FNIP1: variants seen among roughly 807,000 people sequenced by gnomAD.
FNIP1 encodes folliculin interacting protein 1.
FNIP1 carries 40 observed loss-of-function variants against 124.5 expected under a neutral mutation model. The observed-to-expected ratio is 0.32, with a 90% CI of 0.25 to 0.42. The LOEUF is 0.42. FNIP1 is among the 10% of genes least tolerant of loss of function. The pLI is 1.00. For missense variants in FNIP1, 1,176 were observed against 1,403.7 expected (o/e 0.84, Z 2.59); for synonymous variants, 472 against 470.6 (o/e 1.00, Z -0.04).
At chr5:131,685,443 A>C (rs1425702812) in intron 11 of FNIP1, among the ~76,000 whole-genome samples, 2 of 138,796 alleles carry the variant, frequency 1.4e-5, no homozygotes, top group Non-Finnish European at 3.1e-5. Flanking sequence ...AAAACCCTTA[A>C]GAATCTTTTT....
chr5:131,733,501 C>T (rs1301563590), intron 2 of FNIP1, among the ~76,000 whole-genome samples: 1 of 152,002 alleles, frequency 6.6e-6, no homozygotes, highest in African/African-American at 2.4e-5. Context: ...GAGATATGTC[C>T]CATCGATACC....
chr5:131,779,445 C>T (rs1771922703), intron 1 of FNIP1, among the ~76,000 whole-genome samples: 1 of 151,736 alleles, frequency 6.6e-6, no homozygotes, highest in Admixed American at 6.6e-5. Context: ...TTTGGGAGAC[C>T]AAGGTGGGTG....
intron 15 of FNIP1, among the ~76,000 whole-genome samples, chr5:131,654,504 T>C (rs1767134447): frequency 6.6e-6 from 1 of 152,162 alleles, no homozygotes; most frequent in South Asian, 2.1e-4. Flanking sequence ...CTACTCTGAA[T>C]AAAGCTCTTT....
intron 1 of FNIP1, among the ~76,000 whole-genome samples, chr5:131,752,506 T>G (rs1171899488): frequency 6.7e-6 from 1 of 148,474 alleles, no homozygotes; most frequent in Non-Finnish European, 1.5e-5. Context: ...ATTGGTAAGT[T>G]GGACTTTATA....
intron 4 of FNIP1, 127 bp from the exon 5 acceptor site, chr5:131,719,187 T>TA: frequency 8.8e-7 from 1 of 1,132,368 alleles, no homozygotes; most frequent in Admixed American, 2.2e-5. Flanking sequence ...GAAGTAGCAT[T>TA]AAAACCATAG....
At chr5:131,687,730 C>T (rs1343617087) in intron 11 of FNIP1, among the ~76,000 whole-genome samples, 1 of 152,152 alleles carries the variant, frequency 6.6e-6, no homozygotes, top group Non-Finnish European at 1.5e-5. Flanking sequence ...CCAGCAGGAA[C>T]ACTTAAATAG....
At position 131,785,090 on chromosome 5, in the gene FNIP1, G is replaced by C. The variant is rs62385586; in HGVS notation, c.92+11740C>G. 1.7e-3 allele frequency among the ~76,000 whole-genome samples: 29 copies of C among 17,076 alleles called. 1 individual carries two copies. Among genetic ancestry groups the C allele is most frequent in the Admixed American group, 0.011 (17 of 1,506 alleles). 11.2% of individuals were successfully genotyped at this position (17,076 alleles called of 152,430 possible). A position where few individuals can be genotyped will look rare whatever the true frequency, so the allele number is the denominator to read the frequency against. ...TATGATATATATGACATATATATAT[G>C]ATATATATGACTATATATATATCAT... On this transcript the variant is annotated intron_variant, in intron 1 of 17. Coordinates refer to ENST00000510461, the MANE Select transcript of FNIP1 (RefSeq NM_133372.3).
intron 8 of FNIP1, among the ~76,000 whole-genome samples, chr5:131,707,654 T>C (rs1039252143): frequency 5.3e-5 from 8 of 152,126 alleles, no homozygotes; most frequent in African/African-American, 7.2e-5. Context: ...TAGTCCAAGA[T>C]TGGGTATGTA....
At chr5:131,775,524 T>C (rs1771772350) in intron 1 of FNIP1, among the ~76,000 whole-genome samples, 1 of 147,654 alleles carries the variant, frequency 6.8e-6, no homozygotes, top group Non-Finnish European at 1.5e-5. Flanking sequence ...ACATATTATA[T>C]ATACTTTTTT....
At position 131,643,089 on chromosome 5, in the gene FNIP1, A is replaced by C. The variant is rs1450088687; in HGVS notation, c.*1596T>G. On this transcript the variant is annotated 3_prime_UTR_variant, in exon 18 of 18. Coordinates refer to ENST00000510461, the MANE Select transcript of FNIP1 (RefSeq NM_133372.3). ...GGAGACTCAGGTAATAACTGGGACTAGGTAAAAGGTCATGGGCCAAACAGA... is the reference window on the plus strand; with the variant it reads ...GGAGACTCAGGTAATAACTGGGACTCGGTAAAAGGTCATGGGCCAAACAGA... 1 of 152,354 alleles carries C rather than the reference A, an allele frequency of 6.6e-6. No homozygotes were observed. Among genetic ancestry groups the C allele is most frequent in the Non-Finnish European group, 1.5e-5 (1 of 68,020 alleles). The allele number at this position is 152,354 out of a possible 1,614,324, so 9.4% of individuals were successfully genotyped here. A position where few individuals can be genotyped will look rare whatever the true frequency, so the allele number is the denominator to read the frequency against.
At chr5:131,746,245 T>C (rs1770673632) in intron 1 of FNIP1, among the ~76,000 whole-genome samples, 1 of 152,166 alleles carries the variant, frequency 6.6e-6, no homozygotes, top group South Asian at 2.1e-4. Flanking sequence ...GAGCTGTTTC[T>C]CATTAGTTAC....
At chr5:131,767,997 C>T (rs1249988804) in intron 1 of FNIP1, among the ~76,000 whole-genome samples, 7 of 152,046 alleles carry the variant, frequency 4.6e-5, no homozygotes, top group African/African-American at 1.7e-4. Flanking sequence ...ATTCTAGTGA[C>T]TGTAATTTAC....
intron 1 of FNIP1, among the ~76,000 whole-genome samples, chr5:131,748,269 G>T (rs1770749251): frequency 6.6e-6 from 1 of 152,274 alleles, no homozygotes; most frequent in South Asian, 2.1e-4. Flanking sequence ...CACTGTAGCT[G>T]TCATCACATG....
chr5:131,671,750 G>T lies in FNIP1; in HGVS notation c.2694C>A (p.Thr898=). The T allele has an allele frequency of 6.2e-7, 1 of 1,614,088 alleles. No individual in the cohort carries two copies. Among genetic ancestry groups the T allele is most frequent in the Non-Finnish European group, 8.5e-7 (1 of 1,180,014 alleles). Residue 898 remains threonine (T), a synonymous_variant, in exon 14 of 18, where the codon ACC becomes ACA. Transcript: ENST00000510461. The part of the protein sequence containing the change: ...IETVPQDSCK[T]CFPQQDQRDT... ...CTCTTTGGTCCTGCTGAGGAAAGCAGGTTTTACATGAATCTTGGGGAACTG... is the reference window on the plus strand; with the variant it reads ...CTCTTTGGTCCTGCTGAGGAAAGCATGTTTTACATGAATCTTGGGGAACTG...
chr5:131,784,317 A>G (rs981085411), intron 1 of FNIP1, among the ~76,000 whole-genome samples: 21 of 152,210 alleles, frequency 1.4e-4, no homozygotes, highest in African/African-American at 5.1e-4. Flanking sequence ...CTTCAAAAGG[A>G]AAGAAAACAT....
At chr5:131,720,549 A>G (rs1187784844) in intron 3 of FNIP1, among the ~76,000 whole-genome samples, 1 of 152,204 alleles carries the variant, frequency 6.6e-6, no homozygotes, top group Non-Finnish European at 1.5e-5. Flanking sequence ...CAAGAGGGCA[A>G]AAAGATAAAA....
chr5:131,693,335 T>TAC (rs1270317778), intron 11 of FNIP1, among the ~76,000 whole-genome samples: 82 of 97,990 alleles, frequency 8.4e-4, no homozygotes, highest in Non-Finnish European at 1.2e-3. Flanking sequence ...TATATATACA[T>TAC]ATATATATAT....
chr5:131,693,382 CAGAACAGAAT>C (rs2149526766), intron 11 of FNIP1, among the ~76,000 whole-genome samples: 1 of 102,484 alleles, frequency 9.8e-6, no homozygotes, highest in South Asian at 3.0e-4. Context: ...ATCAACAGAA[CAGAACAGAAT>C]AGAACAGAAC....
chr5:131,785,508 T>C (rs894235651), intron 1 of FNIP1, among the ~76,000 whole-genome samples: 1 of 151,648 alleles, frequency 6.6e-6, no homozygotes, highest in African/African-American at 2.4e-5. Context: ...TGAGCCAAGA[T>C]TGCATCACTG....
Sources: allele counts gnomAD v4.1 joint callset (sites outside exome capture counted in the v4.1 genomes callset), GRCh38; gene constraint gnomAD v4.1.1; transcripts MANE v1.5; gene names NCBI Gene and HGNC (gene_info 2026-07-23, HGNC 2026-07-21).